MTREX: variants seen among roughly 807,000 people sequenced by gnomAD.
The protein encoded by MTREX is exosome RNA helicase MTR4.
A neutral mutation model predicts 135.4 loss-of-function variants in MTREX; 76 were observed. That is an observed-to-expected ratio of 0.56 (90% CI 0.47 to 0.68). The LOEUF (loss-of-function observed/expected upper bound fraction) is 0.68. Among genes scored for constraint, MTREX ranks in the 30% least tolerant of loss-of-function variants. The probability of loss-of-function intolerance (pLI) is 0.00; values close to 1 mark genes in which losing one functional copy is unlikely to be tolerated. For missense variants in MTREX, 920 were observed against 1,262.1 expected (o/e 0.73, Z 4.11); for synonymous variants, 404 against 401.6 (o/e 1.01, Z -0.07).
intron 26 of MTREX, 67 bp downstream of exon 26, chr5:55,423,049 G>T: frequency 8.4e-7 from 1 of 1,194,312 alleles, no homozygotes; most frequent in South Asian, 1.3e-5. Context: ...TTGAGCCCTG[G>T]ACCACAACCT....
At position 55,405,545 on chromosome 5, in the gene MTREX, G is replaced by A. The variant is rs1356848565; in HGVS notation, c.2602G>A (p.Asp868Asn). 1.2e-6 allele frequency: 2 copies of A among 1,613,626 alleles called. No homozygotes were observed. Among genetic ancestry groups the A allele is most frequent in the South Asian group, 1.1e-5 (1 of 91,038 alleles). The change falls in exon 22 of 27, where the codon GAT (aspartate) becomes AAT (asparagine). Residue 868 changes from aspartate (D) to asparagine (N), a missense_variant. By Grantham distance (23) the Asp-to-Asn change is conservative (BLOSUM62 1). Transcript: ENST00000230640. The part of the protein sequence containing the change: ...LRRLGFATSS[D>N]VIEMKGRVAC... Reference sequence around the variant, plus strand: ...AAGGTTGGGATTTGCTACTTCTTCTGATGTAATAGAGATGAAAGGACGAGT... The same window carrying A: ...AAGGTTGGGATTTGCTACTTCTTCTAATGTAATAGAGATGAAAGGACGAGT...
At chr5:55,399,489 T>C (rs1258568135) in intron 20 of MTREX, among the ~76,000 whole-genome samples, 1 of 152,186 alleles carries the variant, frequency 6.6e-6, no homozygotes, top group Non-Finnish European at 1.5e-5. Flanking sequence ...TTTTATTTTT[T>C]ATTTTTTTAT....
At chr5:55,385,135 C>T (rs1477717042) in intron 18 of MTREX, among the ~76,000 whole-genome samples, 3 of 152,142 alleles carry the variant, frequency 2.0e-5, no homozygotes, top group Non-Finnish European at 4.4e-5. Context: ...GTCTCTGAGT[C>T]AAAATTCTAA....
chr5:55,389,781 C>A (rs1236704849), intron 19 of MTREX, among the ~76,000 whole-genome samples: 2 of 152,000 alleles, frequency 1.3e-5, no homozygotes, highest in Non-Finnish European at 2.9e-5. Flanking sequence ...AGGCATGAAA[C>A]AATGTACAGA....
At chr5:55,423,104 C>G (rs1751080723) in intron 26 of MTREX, 122 bp downstream of exon 26, 2 of 692,866 alleles carry the variant, frequency 2.9e-6, no homozygotes, top group South Asian at 1.8e-5. Context: ...TCATGGAGAG[C>G]TATCTACTAG....
intron 16 of MTREX, among the ~76,000 whole-genome samples, chr5:55,373,597 G>GT (rs1750242754): frequency 2.0e-5 from 3 of 152,012 alleles, no homozygotes; most frequent in Admixed American, 6.6e-5. Flanking sequence ...TGATAAATGT[G>GT]TTTTTTTGAG....
intron 25 of MTREX, among the ~76,000 whole-genome samples, chr5:55,418,246 A>AAG (rs201015539): frequency 6.7e-6 from 1 of 150,058 alleles, no homozygotes; most frequent in African/African-American, 2.4e-5. Context: ...AAAAAAAAAA[A>AAG]GAAAAAAAGA....
At chr5:55,397,077 A>G (rs1750657801) in intron 19 of MTREX, among the ~76,000 whole-genome samples, 1 of 152,200 alleles carries the variant, frequency 6.6e-6, no homozygotes. Flanking sequence ...CATTCTTAGT[A>G]CTATAGTACC....
At chr5:55,380,635 C>A (rs930416229) in intron 18 of MTREX, among the ~76,000 whole-genome samples, 1 of 152,084 alleles carries the variant, frequency 6.6e-6, no homozygotes, top group African/African-American at 2.4e-5. Context: ...CCCAGTTTGT[C>A]ATGATATATT....
At chr5:55,326,172 G>A (rs991082711) in intron 3 of MTREX, among the ~76,000 whole-genome samples, 3 of 152,190 alleles carry the variant, frequency 2.0e-5, no homozygotes, top group South Asian at 2.1e-4. Flanking sequence ...CGAGGCAGGC[G>A]GATTGCCTGA....
rs563074165 is a variant in MTREX, at chr5:55,325,536, G to A, written c.339+1338G>A. Among the ~76,000 whole-genome samples the A allele has an allele frequency of 3.3e-5, 5 of 150,782 alleles. No individual in the cohort carries two copies. The South Asian group carries it at 1.0e-3, about 32-fold the overall frequency. On this transcript the variant is annotated intron_variant, in intron 3 of 26. Transcript: ENST00000230640. ...AATTTTTTTTTTTATTTTTAGTAGA[G>A]ACTGGGTTTCACCATGTTGGTCAGG...
intron 13 of MTREX, 127 bp downstream of exon 13, chr5:55,351,156 G>T: frequency 8.7e-7 from 1 of 1,145,640 alleles, no homozygotes; most frequent in Middle Eastern, 3.2e-4. Flanking sequence ...CTTAAATAAT[G>T]AACTTAATTT....
In MTREX at chr5:55,336,878, T is replaced by G. The variant is rs999000771; in HGVS notation, c.516-3132T>G. On this transcript the variant is annotated intron_variant, in intron 5 of 26. Coordinates refer to ENST00000230640, the MANE Select transcript of MTREX (RefSeq NM_015360.5). ...CATCATGAGGAATAATGGTATGTGA[T>G]TTTCTTATAAAGTCTTTGGCATTGG... Among the ~76,000 whole-genome samples, 7 of 152,190 alleles carry G rather than the reference T, an allele frequency of 4.6e-5. 1 individual carries two copies. Among genetic ancestry groups the G allele is most frequent in the Admixed American group, 4.6e-4 (7 of 15,276 alleles).
At chr5:55,329,147 A>G (rs563463086) in intron 5 of MTREX, among the ~76,000 whole-genome samples, 51 of 151,646 alleles carry the variant, frequency 3.4e-4, no homozygotes, top group Non-Finnish European at 6.6e-4. Flanking sequence ...ATTTATGTCT[A>G]TGGGTATAAA....
rs79788597 is a variant in MTREX, at chr5:55,385,960, G to A, written c.2053-2014G>A. On this transcript the variant is annotated intron_variant, in intron 18 of 26. Transcript: ENST00000230640. Reference sequence around the variant, plus strand: ...GAGAGGAACACATTCATTTTTTTCTGTTTCTATTGATGGTGAAACTAATTT... The same window carrying A: ...GAGAGGAACACATTCATTTTTTTCTATTTCTATTGATGGTGAAACTAATTT... Among the ~76,000 whole-genome samples, 1,344 of 152,088 alleles carry A rather than the reference G, an allele frequency of 8.8e-3. 13 individuals are homozygous for A. The highest frequency in any genetic ancestry group is 0.015 in the Non-Finnish European group (1,036 of 67,952).
intron 19 of MTREX, among the ~76,000 whole-genome samples, chr5:55,395,690 T>A (rs543111634): frequency 6.6e-6 from 1 of 152,314 alleles, no homozygotes. Flanking sequence ...TGTTGACTAG[T>A]GGACTGAGTA....
At chr5:55,419,541 C>T (rs1443824349) in intron 25 of MTREX, among the ~76,000 whole-genome samples, 1 of 152,134 alleles carries the variant, frequency 6.6e-6, no homozygotes, top group Non-Finnish European at 1.5e-5. Flanking sequence ...TTTTTATTTC[C>T]ATTAAACTAA....
chr5:55,340,536 T>G (rs570830857), intron 6 of MTREX, among the ~76,000 whole-genome samples: 116 of 152,218 alleles, frequency 7.6e-4, no homozygotes, highest in Non-Finnish European at 1.4e-3. Flanking sequence ...CTTTGCCGTC[T>G]TCTATATCTG....
At position 55,340,079 on chromosome 5, in the gene MTREX, T is replaced by C; in HGVS notation, c.585T>C (p.Ser195=). ...TTACCAGCCCAATTAAGGCTCTGAG[T>C]AACCAAAAATACCGTGAAATGTATG... The part of the protein sequence containing the change: ...VIFTSPIKAL[S]NQKYREMYEE... The change falls in exon 6 of 27, where the codon AGT becomes AGC. Residue 195 remains serine (S), a synonymous_variant. Coordinates refer to ENST00000230640, the MANE Select transcript of MTREX (RefSeq NM_015360.5). 6.2e-7 allele frequency: 1 copy of C among 1,602,480 alleles called. No homozygotes were observed. The highest frequency in any genetic ancestry group is 1.1e-5 in the South Asian group (1 of 89,276).
Sources: gnomAD v4.1 joint callset for allele counts (sites outside exome capture counted in the v4.1 genomes callset) on GRCh38, gnomAD v4.1.1 for gene constraint, MANE v1.5 for transcripts, NCBI Gene and HGNC (gene_info 2026-07-23, HGNC 2026-07-21) for gene names.